MYO18B: variants seen among roughly 807,000 people sequenced by gnomAD.
The protein encoded by MYO18B is unconventional myosin-XVIIIb.
In MYO18B, 204 loss-of-function variants were observed where a neutral mutation model predicts 273.0. The ratio of observed to expected loss-of-function variants is 0.75; its 90% CI spans 0.67 to 0.84. MYO18B has a LOEUF of 0.84. Ranked by LOEUF, MYO18B falls within the 40% of genes least tolerant of loss-of-function variation. The probability of loss-of-function intolerance (pLI) is 0.00; values close to 1 mark genes in which losing one functional copy is unlikely to be tolerated. For missense variants in MYO18B, 3,212 were observed against 3,287.6 expected (o/e 0.98, Z 0.56); for synonymous variants, 1,330 against 1,305.7 (o/e 1.02, Z -0.40).
chr22:25,799,748 A>G (rs1029098912), intron 12 of MYO18B, among the ~76,000 whole-genome samples: 3 of 152,136 alleles, frequency 2.0e-5, no homozygotes, highest in Non-Finnish European at 4.4e-5. Context: ...CATTGTTTTG[A>G]TTTTGGAAAT....
rs13058434 is a variant in MYO18B, at chr22:25,768,446, C to A, written c.530C>A (p.Pro177His). ...AAGACTCATCCCCATGACGCCCCCC[C>A]TTGCAAGACCTCTCCCCCCGCCACA... ...PEKTHPHDAP[P>H]CKTSPPATDT... The change falls in exon 4 of 44, where the codon CCT becomes CAT. Residue 177 changes from proline to histidine, a missense_variant. Coordinates refer to ENST00000335473, the MANE Select transcript of MYO18B (RefSeq NM_032608.7). The A allele has an allele frequency of 7.2e-7, 1 of 1,389,776 alleles. No individual in the cohort carries two copies. The highest frequency in any genetic ancestry group is 1.7e-5 in the Admixed American group (1 of 59,092). The allele number at this position is 1,389,776 out of a possible 1,614,324, so 86.1% of individuals were successfully genotyped here. A position where few individuals can be genotyped will look rare whatever the true frequency, so the allele number is the denominator to read the frequency against.
rs535356863 is a variant in MYO18B at position 26,017,069 on chromosome 22, C to A, written c.6471-9376C>A. 4.4e-5 allele frequency among the ~76,000 whole-genome samples: 6 copies of A among 136,750 alleles called. No homozygotes were observed. In the East Asian group the frequency reaches 1.0e-3, roughly 24 times the overall value. The allele number at this position is 136,750 out of a possible 152,430, so 89.7% of individuals were successfully genotyped here. On this transcript the variant is annotated intron_variant, in intron 42 of 43. Coordinates refer to ENST00000335473, the MANE Select transcript of MYO18B (RefSeq NM_032608.7). ...CCTTCCTTCCTTCCTTCCTTCCTTC[C>A]TTCCTCTCTGTGCCTCTCCCTCCCT...
At chr22:25,755,644 C>T (rs1374686678) in intron 1 of MYO18B, among the ~76,000 whole-genome samples, 2 of 152,192 alleles carry the variant, frequency 1.3e-5, no homozygotes, top group Non-Finnish European at 2.9e-5. Context: ...GCAGATGCCT[C>T]CTGAATGTCT....
intron 39 of MYO18B, among the ~76,000 whole-genome samples, chr22:25,957,912 C>CTTTTTT (rs1330432024): frequency 7.8e-5 from 10 of 128,904 alleles, no homozygotes; most frequent in Non-Finnish European, 9.9e-5. Context: ...AACGCTTTTG[C>CTTTTTT]TTTTTTTTTT....
intron 2 of MYO18B, 23 bp from the exon 3 acceptor site, chr22:25,763,208 C>G (rs2086387324): frequency 4.4e-6 from 7 of 1,608,858 alleles, no homozygotes; most frequent in Non-Finnish European, 6.0e-6. Flanking sequence ...TGAGCTCTCT[C>G]TTTCCTTGCT....
In MYO18B at chr22:25,895,185, G is replaced by T; in HGVS notation, c.4573G>T (p.Ala1525Ser). ...ADEWQMRFDC[A>S]QMENEFLRKR... is the part of the protein sequence containing the mutation. ...CGAGTGGCAGATGCGCTTCGACTGT[G>T]CTCAGATGGAGAACGAGTTCCTCAG... Residue 1525 changes from alanine (A) to serine (S), a missense_variant, in exon 28 of 44, where the codon GCT (alanine) becomes TCT (serine). Physicochemically the swap from Ala to Ser is moderately conservative, Grantham distance 99. Coordinates refer to ENST00000335473, the MANE Select transcript of MYO18B (RefSeq NM_032608.7). 1 of 1,612,274 alleles carries T rather than the reference G, an allele frequency of 6.2e-7. No homozygotes were observed. Among genetic ancestry groups the T allele is most frequent in the Non-Finnish European group, 8.5e-7 (1 of 1,179,260 alleles).
chr22:25,794,079 A>G (rs1310224674), intron 11 of MYO18B, among the ~76,000 whole-genome samples: 1 of 151,368 alleles, frequency 6.6e-6, no homozygotes, highest in Non-Finnish European at 1.5e-5. Flanking sequence ...GACTATGGGC[A>G]CCCGCCACCA....
chr22:25,910,709 C>T (rs1295574008), intron 32 of MYO18B, among the ~76,000 whole-genome samples: 1 of 152,168 alleles, frequency 6.6e-6, no homozygotes, highest in Non-Finnish European at 1.5e-5. Flanking sequence ...GGGGGTTTCA[C>T]AGTCAAGGGC....
At chr22:25,939,470 G>T (rs1432296809) in intron 34 of MYO18B, among the ~76,000 whole-genome samples, 1 of 152,202 alleles carries the variant, frequency 6.6e-6, no homozygotes, top group East Asian at 1.9e-4. Flanking sequence ...TTCAGAAAGA[G>T]TGAACTTTAT....
At chr22:25,999,184 G>A (rs995186124) in intron 40 of MYO18B, among the ~76,000 whole-genome samples, 2 of 152,168 alleles carry the variant, frequency 1.3e-5, no homozygotes, top group Non-Finnish European at 2.9e-5. Flanking sequence ...ATGAAGCCAT[G>A]GTCTGATGTC....
chr22:25,882,489 A>G (rs997462353), intron 25 of MYO18B, among the ~76,000 whole-genome samples: 4 of 152,230 alleles, frequency 2.6e-5, no homozygotes, highest in African/African-American at 4.8e-5. Context: ...GACTTCAGCA[A>G]TATTCACACA....
chr22:25,960,119 G>A (rs946520866), intron 39 of MYO18B, among the ~76,000 whole-genome samples: 2 of 152,064 alleles, frequency 1.3e-5, no homozygotes, highest in Admixed American at 1.3e-4. Flanking sequence ...TTACCCCTCC[G>A]GTGGAACTTT....
rs772458595 is a variant in MYO18B at position 26,026,971 on chromosome 22, G to A, written c.6997G>A (p.Gly2333Ser). 16 of 1,613,780 alleles carry A rather than the reference G, an allele frequency of 9.9e-6. No homozygotes were observed. The highest frequency in any genetic ancestry group is 3.3e-5 in the Admixed American group (2 of 59,988). ...CAGCCTCAAATGCATCTCTTCAGAC[G>A]GTGTTGGGGGCACAACCCTACTCCC... ...STSLKCISSD[G>S]VGGTTLLPEK... The change falls in exon 43 of 44, where the codon GGT (glycine) becomes AGT (serine). Residue 2333 changes from glycine to serine, a missense_variant. Transcript: ENST00000335473.
intron 42 of MYO18B, among the ~76,000 whole-genome samples, chr22:26,025,834 C>G (rs1393516853): frequency 6.6e-6 from 1 of 152,246 alleles, no homozygotes; most frequent in Non-Finnish European, 1.5e-5. Flanking sequence ...AAAACCACGT[C>G]TGGTGTAGTC....
chr22:25,968,146 C>T (rs1480147020), intron 39 of MYO18B, among the ~76,000 whole-genome samples: 2 of 152,236 alleles, frequency 1.3e-5, no homozygotes, highest in East Asian at 1.9e-4. Flanking sequence ...TTCCACCCAG[C>T]GGCTCAAACA....
At chr22:25,774,506 C>T (rs931612126) in intron 7 of MYO18B, among the ~76,000 whole-genome samples, 1 of 152,232 alleles carries the variant, frequency 6.6e-6, no homozygotes, top group African/African-American at 2.4e-5. Flanking sequence ...TAGGCAAAAG[C>T]GCCAAAAGAT....
rs74276912 is a variant in MYO18B, at chr22:25,919,445, A to G, written c.5365-1812A>G. Among the ~76,000 whole-genome samples the G allele has an allele frequency of 2.2e-3, 328 of 152,280 alleles. 5 individuals are homozygous for G. In the East Asian group the frequency reaches 0.053, roughly 25 times the overall value. ...TAAAATGGGAATCATAATACTATAC[A>G]CCTCATTGATTCATCATGATGACTA... On this transcript the variant is annotated intron_variant, in intron 33 of 43. Transcript: ENST00000335473.
intron 17 of MYO18B, among the ~76,000 whole-genome samples, chr22:25,842,105 A>G (rs771258103): frequency 2.0e-4 from 30 of 152,226 alleles, no homozygotes; most frequent in Admixed American, 5.2e-4. Flanking sequence ...ACCTCTAAGC[A>G]GCCACACAGG....
At position 25,879,805 on chromosome 22, in the gene MYO18B, G is replaced by A. The variant is rs2091290648; in HGVS notation, c.4314+1757G>A. ...AGGAAGCATGGCTGGGGAGCCCTTA[G>A]GAAACTTACATCATGGTGGATTGTT... is the stretch of plus-strand genomic sequence containing the variant. On this transcript the variant is annotated intron_variant, in intron 25 of 43. Coordinates refer to ENST00000335473, the MANE Select transcript of MYO18B (RefSeq NM_032608.7). 2.6e-5 allele frequency among the ~76,000 whole-genome samples: 4 copies of A among 152,256 alleles called. No homozygotes were observed. The South Asian group carries it at 8.3e-4, about 32-fold the overall frequency.
Sources: gnomAD v4.1 joint callset for allele counts (sites outside exome capture counted in the v4.1 genomes callset) on GRCh38, gnomAD v4.1.1 for gene constraint, MANE v1.5 for transcripts, NCBI Gene and HGNC (gene_info 2026-07-23, HGNC 2026-07-21) for gene names.